The following NEDD1 variants were observed in gnomAD, a reference collection of about 807,000 sequenced individuals.
NEDD1 encodes NEDD1 gamma-tubulin ring complex targeting factor, also known as protein NEDD1.
In NEDD1, 33 loss-of-function variants were observed where a neutral mutation model predicts 74.0. The observed-to-expected ratio is 0.45, with a 90% CI of 0.34 to 0.60. The LOEUF (loss-of-function observed/expected upper bound fraction) is 0.60, where lower values mean the gene tolerates loss of function less well. NEDD1 is among the 20% of genes least tolerant of loss of function. NEDD1 has a pLI of 0.01. For synonymous variants in NEDD1, 250 were observed against 264.4 expected (o/e 0.95, Z 0.53); for missense variants, 746 against 776.5 (o/e 0.96, Z 0.47).
intron 6 of NEDD1, among the ~76,000 whole-genome samples, chr12:96,932,476 AT>A (rs1174612774): frequency 2.6e-5 from 2 of 78,356 alleles, no homozygotes; most frequent in African/African-American, 8.7e-5. Context: ...ATATATATAT[AT>A]ATATATATAT....
At chr12:96,941,314 A>T (rs1030078859) in intron 10 of NEDD1, among the ~76,000 whole-genome samples, 2 of 152,000 alleles carry the variant, frequency 1.3e-5, no homozygotes, top group African/African-American at 4.8e-5. Flanking sequence ...ATCTTATACA[A>T]TTTCATTTTT....
intron 6 of NEDD1, 99 bp from the exon 7 acceptor site, chr12:96,934,877 C>G: frequency 2.6e-6 from 2 of 765,226 alleles, no homozygotes; most frequent in Non-Finnish European, 4.5e-6. Context: ...ATCCTAAACC[C>G]CATGTGAATA....
chr12:96,934,575 T>A (rs1014186680), intron 6 of NEDD1, among the ~76,000 whole-genome samples: 2 of 151,868 alleles, frequency 1.3e-5, no homozygotes, highest in African/African-American at 4.8e-5. Context: ...TCTCACTCTG[T>A]CGCCCAGGCT....
chr12:96,941,039 G>C (rs577797104), intron 10 of NEDD1, among the ~76,000 whole-genome samples: 3 of 152,124 alleles, frequency 2.0e-5, no homozygotes, highest in Non-Finnish European at 4.4e-5. Context: ...CATTGTTTAG[G>C]TGTGTCTTTT....
chr12:96,943,733 A>G lies in NEDD1; in HGVS notation c.1468A>G (p.Lys490Glu). The G allele has an allele frequency of 6.2e-7, 1 of 1,611,592 alleles. No individual in the cohort carries two copies. The highest frequency in any genetic ancestry group is 8.5e-7 in the Non-Finnish European group (1 of 1,178,154). Residue 490 changes from lysine (K) to glutamate (E), a missense_variant, in exon 12 of 16, where the codon AAA (lysine) becomes GAA (glutamate). Physicochemically the swap from Lys to Glu is moderately conservative, Grantham distance 56. This residue lies in a region of NEDD1 where 706 missense variants were observed against 706.7 expected (regional missense o/e 1.00). Transcript: ENST00000266742. Reference protein sequence around the residue: ...TAESKKIYMGKQESKDSFKQL... With the variant: ...TAESKKIYMGEQESKDSFKQL... Reference sequence around the variant, plus strand: ...TGAGTCTAAGAAAATATATATGGGAAAACAGGAATCTAAAGACTCCTTCAA... The same window carrying G: ...TGAGTCTAAGAAAATATATATGGGAGAACAGGAATCTAAAGACTCCTTCAA...
chr12:96,924,713 G>T (rs1565793896), intron 6 of NEDD1: 2 of 312,400 alleles, frequency 6.4e-6, no homozygotes, highest in East Asian at 1.9e-4. Context: ...TCTTTTGAAA[G>T]AATTTGTAGT....
chr12:96,940,666 G>A (rs1877578004), intron 10 of NEDD1, 129 bp downstream of exon 10: 1 of 528,522 alleles, frequency 1.9e-6, no homozygotes, highest in South Asian at 4.9e-5. Flanking sequence ...CCATCCCTGG[G>A]GTGGTATCTT....
At chr12:96,929,146 T>C (rs1876063733) in intron 6 of NEDD1, among the ~76,000 whole-genome samples, 1 of 151,920 alleles carries the variant, frequency 6.6e-6, no homozygotes, top group South Asian at 2.1e-4. Context: ...TCTCAAGTGT[T>C]TTTAAACTTT....
intron 3 of NEDD1, among the ~76,000 whole-genome samples, chr12:96,912,424 G>T (rs1874012370): frequency 6.6e-6 from 1 of 152,102 alleles, no homozygotes. Flanking sequence ...CATTCTTGAA[G>T]GATAAAATTA....
At position 96,952,167 on chromosome 12, in the gene NEDD1, G is replaced by C. The variant is rs1446084407; in HGVS notation, c.*114G>C. On this transcript the variant is annotated 3_prime_UTR_variant, in exon 16 of 16. Transcript: ENST00000266742. ...CAGGGAAAAAATGTTTTTCAAGTAAGAGTAAAAGGATGATGGGATTTTATA... is the reference window on the plus strand; with the variant it reads ...CAGGGAAAAAATGTTTTTCAAGTAACAGTAAAAGGATGATGGGATTTTATA... 2 of 636,712 alleles carry C rather than the reference G, an allele frequency of 3.1e-6. No homozygotes were observed. Among genetic ancestry groups the C allele is most frequent in the East Asian group, 5.6e-5 (2 of 35,502 alleles). The allele number at this position is 636,712 out of a possible 1,614,324, so 39.4% of individuals were successfully genotyped here. A position where few individuals can be genotyped will look rare whatever the true frequency, so the allele number is the denominator to read the frequency against.
At chr12:96,922,844 G>A (rs906240424) in intron 6 of NEDD1, among the ~76,000 whole-genome samples, 2 of 152,122 alleles carry the variant, frequency 1.3e-5, no homozygotes, top group Admixed American at 6.5e-5. Flanking sequence ...TGGGCCAGAC[G>A]CGGTGGCTAC....
intron 1 of NEDD1, 36 bp from the exon 2 acceptor site, chr12:96,907,568 C>T (rs566301511): frequency 1.3e-6 from 2 of 1,546,542 alleles, no homozygotes; most frequent in Admixed American, 3.9e-5. Flanking sequence ...AGTCTGTCTC[C>T]TTTTTTGTCA....
chr12:96,951,467 T>A lies in NEDD1; in HGVS notation c.1847T>A (p.Val616Glu). 1 of 1,575,196 alleles carries A rather than the reference T, an allele frequency of 6.3e-7. No individual in the cohort carries two copies. The highest frequency in any genetic ancestry group is 8.7e-7 in the Non-Finnish European group (1 of 1,148,594). Residue 616 changes from valine to glutamate, a missense_variant, in exon 15 of 16, where the codon GTG becomes GAG. Around this residue, in one of 3 missense-constraint regions of NEDD1, gnomAD observed 706 missense variants for 706.7 expected, o/e 1.00. Transcript: ENST00000266742. ...CATAGGGACATTGTGAATTTGCAAG[T>A]GGAGATGATTAAACAGTTTCATATG... is the stretch of plus-strand genomic sequence containing the variant. ...ACHRDIVNLQ[V>E]EMIKQFHMQL... is the part of the protein sequence containing the mutation.
intron 14 of NEDD1, among the ~76,000 whole-genome samples, chr12:96,946,764 C>T (rs549981376): frequency 6.6e-6 from 1 of 152,244 alleles, no homozygotes; most frequent in African/African-American, 2.4e-5. Flanking sequence ...GAATAGAACA[C>T]TGTTGACAAT....
chr12:96,946,177 T>C (rs761214301), intron 14 of NEDD1, among the ~76,000 whole-genome samples: 1 of 152,156 alleles, frequency 6.6e-6, no homozygotes, highest in Non-Finnish European at 1.5e-5. Flanking sequence ...AGTATGTTCA[T>C]AGATCTATTA....
chr12:96,951,013 T>C (rs17026165), intron 14 of NEDD1, among the ~76,000 whole-genome samples: 5,170 of 151,938 alleles, frequency 0.034, 205 homozygotes, highest in African/African-American at 0.096. Flanking sequence ...CCTAGTGAAT[T>C]TTCTGTATTT....
intron 4 of NEDD1, among the ~76,000 whole-genome samples, chr12:96,916,893 G>A (rs1364001212): frequency 6.6e-6 from 1 of 152,154 alleles, no homozygotes; most frequent in Admixed American, 6.5e-5. Flanking sequence ...TAAGGTTTGG[G>A]TTAGTGTTAG....
chr12:96,922,487 C>G (rs1484217703), intron 6 of NEDD1, among the ~76,000 whole-genome samples: 1 of 152,072 alleles, frequency 6.6e-6, no homozygotes, highest in African/African-American at 2.4e-5. Flanking sequence ...CCAGATACTA[C>G]TATGTATATT....
intron 14 of NEDD1, among the ~76,000 whole-genome samples, chr12:96,946,521 C>G (rs936193472): frequency 6.6e-6 from 1 of 152,096 alleles, no homozygotes; most frequent in Non-Finnish European, 1.5e-5. Context: ...TTTGTTGGTG[C>G]ATGCTTCCTT....
Sources: allele counts gnomAD v4.1 joint callset (sites outside exome capture counted in the v4.1 genomes callset), GRCh38; gene constraint gnomAD v4.1.1; regional missense constraint gnomAD v4.1.1; transcripts MANE v1.5; gene names NCBI Gene and HGNC (gene_info 2026-07-23, HGNC 2026-07-21).